KALRN: variants seen among roughly 807,000 people sequenced by gnomAD.
The protein encoded by KALRN is kalirin.
A neutral mutation model predicts 353.7 loss-of-function variants in KALRN; 70 were observed. That is an observed-to-expected ratio of 0.20 (90% CI 0.16 to 0.24). The LOEUF (loss-of-function observed/expected upper bound fraction) is 0.24. Among genes scored for constraint, KALRN ranks in the 10% least tolerant of loss-of-function variants. The pLI is 1.00. For missense variants in KALRN, 2,791 were observed against 3,756.7 expected (o/e 0.74, Z 6.72); for synonymous variants, 1,391 against 1,434.8 (o/e 0.97, Z 0.69).
intron 5 of KALRN, among the ~76,000 whole-genome samples, chr3:124,294,162 G>C (rs1304584950): frequency 1.3e-5 from 2 of 151,932 alleles, no homozygotes; most frequent in Non-Finnish European, 2.9e-5. Context: ...GATCATTCAG[G>C]TTCTGAAGAG....
intron 38 of KALRN, 113 bp from the exon 39 acceptor site, chr3:124,655,488 G>A (rs1460879581): frequency 1.3e-6 from 1 of 772,864 alleles, no homozygotes; most frequent in East Asian, 2.5e-5. Context: ...AAGTGTGGGT[G>A]TTTTAAGGGG....
At chr3:124,143,626 G>A (rs940381213) in intron 1 of KALRN, among the ~76,000 whole-genome samples, 4 of 152,164 alleles carry the variant, frequency 2.6e-5, no homozygotes, top group Non-Finnish European at 5.9e-5. Context: ...CAAATAGTGT[G>A]TGTTTCTTTT....
intron 36 of KALRN, among the ~76,000 whole-genome samples, chr3:124,635,008 T>A (rs968440243): frequency 6.6e-6 from 1 of 152,218 alleles, no homozygotes; most frequent in African/African-American, 2.4e-5. Flanking sequence ...GAAGTCTTCC[T>A]CTGTGCTAGG....
At chr3:124,236,367 T>C (rs1323246675) in intron 3 of KALRN, among the ~76,000 whole-genome samples, 2 of 152,342 alleles carry the variant, frequency 1.3e-5, no homozygotes, top group Non-Finnish European at 2.9e-5. Flanking sequence ...TAACTCGTGA[T>C]TGATATAGGT....
chr3:124,635,189 T>C (rs2081224455), intron 36 of KALRN, among the ~76,000 whole-genome samples: 1 of 152,152 alleles, frequency 6.6e-6, no homozygotes, highest in Admixed American at 6.5e-5. Context: ...TATACCATCC[T>C]GGGTTCCTGA....
intron 1 of KALRN, among the ~76,000 whole-genome samples, chr3:124,130,726 C>A (rs1408230874): frequency 6.6e-6 from 1 of 152,088 alleles, no homozygotes; most frequent in South Asian, 2.1e-4. Context: ...TGGAAACAAC[C>A]AAAATGTTGT....
intron 1 of KALRN, among the ~76,000 whole-genome samples, chr3:124,227,642 T>G (rs1425885033): frequency 7.0e-6 from 1 of 143,752 alleles, no homozygotes; most frequent in African/African-American, 2.6e-5. Flanking sequence ...CGGCTTCAAG[T>G]TGCTCAATAG....
chr3:124,098,808 A>T (rs1478159061), intron 1 of KALRN, among the ~76,000 whole-genome samples: 1 of 152,246 alleles, frequency 6.6e-6, no homozygotes, highest in Non-Finnish European at 1.5e-5. Context: ...AAGCATAAGT[A>T]AAAAAGAGTC....
At chr3:124,443,336 T>C (rs770987051) in intron 19 of KALRN, among the ~76,000 whole-genome samples, 34 of 152,236 alleles carry the variant, frequency 2.2e-4, no homozygotes, top group Middle Eastern at 3.4e-3. Context: ...CCAAGCCGAC[T>C]TGGAGTGAGG....
chr3:124,634,461 A>G (rs2081137344), intron 36 of KALRN, among the ~76,000 whole-genome samples: 1 of 152,210 alleles, frequency 6.6e-6, no homozygotes, highest in African/African-American at 2.4e-5. Flanking sequence ...GGCAAACTTA[A>G]TATGCGAAAT....
chr3:124,474,025 A>G (rs983383077), intron 25 of KALRN, among the ~76,000 whole-genome samples: 4 of 152,192 alleles, frequency 2.6e-5, no homozygotes, highest in Admixed American at 2.6e-4. Flanking sequence ...TTATTTCTTT[A>G]TTATTTATTA....
At chr3:124,365,645 T>C (rs957494078) in intron 10 of KALRN, among the ~76,000 whole-genome samples, 2 of 152,226 alleles carry the variant, frequency 1.3e-5, no homozygotes, top group Admixed American at 6.5e-5. Flanking sequence ...GTTATCCCTT[T>C]CACTTTGCAT....
At chr3:124,463,744 G>C (rs1445640) in intron 25 of KALRN, among the ~76,000 whole-genome samples, 33,249 of 152,056 alleles carry the variant, frequency 0.22, 3,868 homozygotes, top group Middle Eastern at 0.35. Flanking sequence ...ATGATCCTGG[G>C]CTGTAATAGG....
rs184566866 is a variant in KALRN, at chr3:124,564,852, G to A, written c.5182+1763G>A. Among the ~76,000 whole-genome samples the A allele has an allele frequency of 3.3e-5, 5 of 152,326 alleles. No individual in the cohort carries two copies. The East Asian group carries it at 9.7e-4, about 29-fold the overall frequency. ...GACTTGTGAAGTCCAAGTGGCAGAG[G>A]CCTTGCAGCCAAGCATTTTACACTG... On this transcript the variant is annotated intron_variant, in intron 34 of 59. Coordinates refer to ENST00000682506, the MANE Select transcript of KALRN (RefSeq NM_001388419.1).
chr3:124,387,454 G>C (rs1431977747), intron 11 of KALRN, among the ~76,000 whole-genome samples: 2 of 152,144 alleles, frequency 1.3e-5, no homozygotes, highest in Non-Finnish European at 2.9e-5. Context: ...TTTTACAAAT[G>C]GGAAAACCAA....
At chr3:124,641,716 G>T (rs1442149394) in intron 37 of KALRN, among the ~76,000 whole-genome samples, 1 of 152,204 alleles carries the variant, frequency 6.6e-6, no homozygotes, top group African/African-American at 2.4e-5. Context: ...CGACTGCCTT[G>T]TGAAGGACAG....
intron 27 of KALRN, among the ~76,000 whole-genome samples, chr3:124,478,151 T>A (rs907122861): frequency 1.3e-5 from 2 of 152,052 alleles, no homozygotes; most frequent in African/African-American, 4.8e-5. Context: ...GAGGGAAAGA[T>A]GAAATTGGGG....
At chr3:124,306,348 T>G (rs192634929) in intron 6 of KALRN, among the ~76,000 whole-genome samples, 1 of 152,088 alleles carries the variant, frequency 6.6e-6, no homozygotes. Flanking sequence ...GAGACAAAAA[T>G]TTTTTAGAGA....
At chr3:124,231,248 G>T (rs982210575) in intron 2 of KALRN, among the ~76,000 whole-genome samples, 1 of 152,214 alleles carries the variant, frequency 6.6e-6, no homozygotes, top group Non-Finnish European at 1.5e-5. Flanking sequence ...GCCCCATTCT[G>T]CTCTGTCATT....
Sources: allele counts gnomAD v4.1 joint callset (sites outside exome capture counted in the v4.1 genomes callset), GRCh38; gene constraint gnomAD v4.1.1; transcripts MANE v1.5; gene names NCBI Gene and HGNC (gene_info 2026-07-23, HGNC 2026-07-21).